ABAT: variants seen among roughly 807,000 people sequenced by gnomAD.
ABAT encodes the protein 4-aminobutyrate aminotransferase.
ABAT carries 45 observed loss-of-function variants against 64.6 expected under a neutral mutation model. The ratio of observed to expected loss-of-function variants is 0.70; its 90% CI spans 0.55 to 0.89. The LOEUF is 0.89. Among genes scored for constraint, ABAT ranks in the 40% least tolerant of loss-of-function variants. The pLI, the probability that ABAT is intolerant of heterozygous loss-of-function variation, is 0.00. For synonymous variants in ABAT, 297 were observed against 250.5 expected (o/e 1.19, Z -1.75); for missense variants, 633 against 658.4 (o/e 0.96, Z 0.42).
At chr16:8,711,784 GAAGA>G (rs2058081788) in intron 1 of ABAT, among the ~76,000 whole-genome samples, 1 of 132,702 alleles carries the variant, frequency 7.5e-6, no homozygotes, top group African/African-American at 3.2e-5. Context: ...GGATGGATGG[GAAGA>G]TGGATGGATG....
chr16:8,774,713 A>C (rs1391468313), intron 12 of ABAT, among the ~76,000 whole-genome samples, 177 bp from the exon 13 acceptor site: 1 of 152,138 alleles, frequency 6.6e-6, no homozygotes, highest in African/African-American at 2.4e-5. Flanking sequence ...TGCTCAGCTT[A>C]AGTGTTTTGA....
chr16:8,740,147 G>A (rs2059122335), intron 2 of ABAT, among the ~76,000 whole-genome samples: 1 of 152,144 alleles, frequency 6.6e-6, no homozygotes, highest in African/African-American at 2.4e-5. Flanking sequence ...CCACAGAGCT[G>A]ATGAGCGGCT....
chr16:8,678,357 T>G (rs188121612), intron 1 of ABAT, among the ~76,000 whole-genome samples: 39 of 152,278 alleles, frequency 2.6e-4, no homozygotes, highest in African/African-American at 8.7e-4. Context: ...GGGTTACAAG[T>G]GTGAGTTACA....
intron 1 of ABAT, among the ~76,000 whole-genome samples, chr16:8,703,534 A>T (rs2142036119): frequency 6.6e-6 from 1 of 152,298 alleles, no homozygotes; most frequent in South Asian, 2.1e-4. Context: ...AATGTTGGTA[A>T]ATAATAGAGC....
At position 8,779,596 on chromosome 16, in the gene ABAT, G is replaced by T. The variant is rs777241102; in HGVS notation, c.1381+6G>T. On this transcript the variant is annotated splice_donor_region_variant and intron_variant, in intron 15 of 15. Transcript: ENST00000268251. ...TTTAATTGCCAGAAACAAAGGTAAG[G>T]GGTCAGGAGTGGCTGCTGAGTTTCA... The T allele has an allele frequency of 1.9e-6, 3 of 1,611,642 alleles. No individual in the cohort carries two copies. In the African/African-American group the frequency reaches 4.0e-5, roughly 22 times the overall value.
At chr16:8,682,747 A>G (rs947954675) in intron 1 of ABAT, among the ~76,000 whole-genome samples, 2 of 152,196 alleles carry the variant, frequency 1.3e-5, no homozygotes, top group Non-Finnish European at 2.9e-5. Flanking sequence ...GAATTCCTTC[A>G]AAGGTGGGAC....
intron 1 of ABAT, among the ~76,000 whole-genome samples, chr16:8,709,530 T>C (rs921403689): frequency 6.6e-6 from 1 of 152,088 alleles, no homozygotes; most frequent in African/African-American, 2.4e-5. Context: ...CCTGCCACCA[T>C]ACCCAGCTAA....
At chr16:8,692,104 T>A (rs1312152856) in intron 1 of ABAT, among the ~76,000 whole-genome samples, 1 of 152,068 alleles carries the variant, frequency 6.6e-6, no homozygotes, top group Non-Finnish European at 1.5e-5. Context: ...CGTGGGCCAG[T>A]CGCCGTGGGC....
At chr16:8,749,256 T>G (rs2059412219) in intron 4 of ABAT, among the ~76,000 whole-genome samples, 1 of 151,418 alleles carries the variant, frequency 6.6e-6, no homozygotes, top group Non-Finnish European at 1.5e-5. Context: ...CCCAGCTAAT[T>G]TTTTTGTATT....
chr16:8,719,432 G>T (rs1299722079), intron 1 of ABAT, among the ~76,000 whole-genome samples: 1 of 152,170 alleles, frequency 6.6e-6, no homozygotes, highest in African/African-American at 2.4e-5. Context: ...GCTTGGATGT[G>T]AAGCCCTGTC....
intron 1 of ABAT, among the ~76,000 whole-genome samples, chr16:8,708,535 A>C (rs192675963): frequency 1.7e-4 from 26 of 152,266 alleles, no homozygotes; most frequent in Non-Finnish European, 3.5e-4. Flanking sequence ...TCCTGAGCTC[A>C]AGCAATCTCC....
intron 1 of ABAT, chr16:8,720,781 C>T (rs1596417164): frequency 6.6e-6 from 1 of 152,286 alleles, no homozygotes; most frequent in South Asian, 2.1e-4. Flanking sequence ...GGAATGTCCT[C>T]AGCGTCTGCC....
At chr16:8,712,763 G>T (rs1208026747) in intron 1 of ABAT, 1 of 152,094 alleles carries the variant, frequency 6.6e-6, no homozygotes, top group Non-Finnish European at 1.5e-5. Flanking sequence ...AATAATTATA[G>T]ATTTCCTCTG....
chr16:8,761,987 T>G (rs993548464), intron 6 of ABAT, among the ~76,000 whole-genome samples: 6 of 83,726 alleles, frequency 7.2e-5, no homozygotes, highest in Non-Finnish European at 1.5e-4. Flanking sequence ...TTCCTTCTCC[T>G]TCTCCTTCTC....
intron 1 of ABAT, among the ~76,000 whole-genome samples, chr16:8,716,142 T>C (rs2058210301): frequency 6.6e-6 from 1 of 152,110 alleles, no homozygotes; most frequent in Admixed American, 6.6e-5. Flanking sequence ...TCACACCCAT[T>C]TTCCAGTGGA....
At chr16:8,750,354 C>A in intron 4 of ABAT, 68 bp from the exon 5 acceptor site, 1 of 1,339,426 alleles carries the variant, frequency 7.5e-7, no homozygotes, top group Non-Finnish European at 1.1e-6. Context: ...CTGATTCAAG[C>A]TTAATCCTAA....
intron 2 of ABAT, among the ~76,000 whole-genome samples, chr16:8,741,798 G>A (rs935169955): frequency 6.6e-6 from 1 of 152,156 alleles, no homozygotes; most frequent in African/African-American, 2.4e-5. Context: ...CAAGAACCTG[G>A]GTTCCAATGC....
intron 1 of ABAT, among the ~76,000 whole-genome samples, chr16:8,730,101 G>T (rs78551081): frequency 0.026 from 3,942 of 152,274 alleles, 180 homozygotes; most frequent in African/African-American, 0.09. Flanking sequence ...TCTTCTAGGA[G>T]CTGCCTCCTA....
intron 1 of ABAT, among the ~76,000 whole-genome samples, chr16:8,734,450 C>T (rs2058852164): frequency 6.6e-6 from 1 of 152,172 alleles, no homozygotes; most frequent in African/African-American, 2.4e-5. Flanking sequence ...TGTTGCGTGA[C>T]TGTGAGGTTT....
Sources: gnomAD v4.1 joint callset for allele counts (sites outside exome capture counted in the v4.1 genomes callset) on GRCh38, gnomAD v4.1.1 for gene constraint, MANE v1.5 for transcripts, NCBI Gene and HGNC (gene_info 2026-07-23, HGNC 2026-07-21) for gene names.